The following CSNK1G2 variants were observed in gnomAD, a reference collection of about 807,000 sequenced individuals.
The protein encoded by CSNK1G2 is casein kinase 1 gamma 2.
Under a neutral mutation model 48.0 loss-of-function variants are expected in CSNK1G2, and 11 were observed. The ratio of observed to expected loss-of-function variants is 0.23; its 90% CI spans 0.14 to 0.38. CSNK1G2 has a LOEUF of 0.38. Ranked by LOEUF, CSNK1G2 falls within the 10% of genes least tolerant of loss-of-function variation. The pLI is 1.00. For synonymous variants in CSNK1G2, 337 were observed against 254.1 expected, an observed-to-expected ratio of 1.33 and a Z score of -3.10; for missense variants, 446 against 595.5, an observed-to-expected ratio of 0.75 and a Z score of 2.61.
intron 1 of CSNK1G2, among the ~76,000 whole-genome samples, chr19:1,956,089 C>G (rs2014989027): frequency 6.6e-6 from 1 of 152,196 alleles, no homozygotes; most frequent in East Asian, 1.9e-4. Context: ...CCTCCTGCCT[C>G]CAGGTCATGG....
intron 1 of CSNK1G2, among the ~76,000 whole-genome samples, chr19:1,964,869 G>A (rs184161721): frequency 4.6e-5 from 7 of 151,632 alleles, no homozygotes; most frequent in Non-Finnish European, 1.0e-4. Context: ...GGGACTACAG[G>A]AGCCCACGAC....
Position 1,978,425 on chromosome 19 carries a change from C to G in CSNK1G2, c.229-17C>G. ...GCAGCGACCCGGTCCCCTGGTGACT[C>G]GCTCTTGTGCCCCCAGGAGCCGATC... On this transcript the variant is annotated splice_polypyrimidine_tract_variant and intron_variant, in intron 3 of 11. Transcript: ENST00000255641. This position sits in a 1 kb window ranked among gnomAD's most constrained non-coding sequence, Gnocchi z 7.3. 6.2e-7 allele frequency: 1 copy of G among 1,611,202 alleles called. No individual in the cohort carries two copies. The highest frequency in any genetic ancestry group is 8.5e-7 in the Non-Finnish European group (1 of 1,179,240).
chr19:1,975,754 G>A, intron 2 of CSNK1G2: 2 of 985,406 alleles, frequency 2.0e-6, no homozygotes, highest in Non-Finnish European at 2.4e-6. Flanking sequence ...TTCGAAATCT[G>A]ACCAGGCACA....
At chr19:1,947,712 G>A (rs2014612977) in intron 1 of CSNK1G2, among the ~76,000 whole-genome samples, 1 of 152,240 alleles carries the variant, frequency 6.6e-6, no homozygotes, top group Non-Finnish European at 1.5e-5. Flanking sequence ...GGTGGGCTGG[G>A]ACAGGGCTTG....
In CSNK1G2 at chr19:1,969,906, A is replaced by G; in HGVS notation, c.134A>G (p.Asn45Ser). ...TSSGVLMVGP[N>S]FRVGKKIGCG... ...TCGGGGGTCCTGATGGTGGGCCCCA[A>G]CTTCCGCGTCGGCAAGAAGATCGGC... is the stretch of plus-strand genomic sequence containing the variant. Residue 45 changes from asparagine to serine, a missense_variant, in exon 2 of 12, where the codon AAC becomes AGC. Transcript: ENST00000255641. 1 of 1,312,346 alleles carries G rather than the reference A, an allele frequency of 7.6e-7. No individual in the cohort carries two copies. The highest frequency in any genetic ancestry group is 9.8e-7 in the Non-Finnish European group (1 of 1,022,134). The allele number at this position is 1,312,346 out of a possible 1,614,324, so 81.3% of individuals were successfully genotyped here. A position where few individuals can be genotyped will look rare whatever the true frequency, so the allele number is the denominator to read the frequency against.
At position 1,978,901 on chromosome 19, in the gene CSNK1G2, C is replaced by T. The variant is rs2015863794; in HGVS notation, c.490C>T (p.Arg164Trp). The stretch of plus-strand genomic sequence containing the variant: ...TGTGCACACCAAGAGCCTAATCTAC[C>T]GGGACGTGAAGCCCGAGAACTTCCT... ...EYVHTKSLIY[R>W]DVKPENFLVG... Residue 164 changes from arginine (R) to tryptophan (W), a missense_variant, in exon 6 of 12, where the codon CGG (arginine) becomes TGG (tryptophan). Arg to Trp is a moderately radical substitution (Grantham distance 101). This residue lies in a region of CSNK1G2 where 258 missense variants were observed against 415.9 expected (regional missense o/e 0.62). Transcript: ENST00000255641. The surrounding 1 kb of genome is among the most constrained non-coding windows in gnomAD (Gnocchi z 7.3). 1.2e-6 allele frequency: 2 copies of T among 1,602,986 alleles called. No individual in the cohort carries two copies. The highest frequency in any genetic ancestry group is 1.3e-5 in the African/African-American group (1 of 74,876).
At chr19:1,955,096 C>T (rs535604662) in intron 1 of CSNK1G2, among the ~76,000 whole-genome samples, 30 of 152,288 alleles carry the variant, frequency 2.0e-4, no homozygotes, top group African/African-American at 6.7e-4. Flanking sequence ...CAGAAGAGGC[C>T]GGGCTCTTCC....
chr19:1,948,714 G>A (rs1034987983), intron 1 of CSNK1G2, among the ~76,000 whole-genome samples: 2 of 152,166 alleles, frequency 1.3e-5, no homozygotes, highest in South Asian at 2.1e-4. Flanking sequence ...TGACCCTTGA[G>A]CAGGGTGGGG....
chr19:1,951,334 C>T (rs796142986), intron 1 of CSNK1G2, among the ~76,000 whole-genome samples: 4 of 144,266 alleles, frequency 2.8e-5, no homozygotes, highest in African/African-American at 8.0e-5. Flanking sequence ...ACCCGGGAGG[C>T]GGAGCTTGCA....
rs1024380376 is a variant in CSNK1G2 at position 1,957,237 on chromosome 19, C to T, written c.-265-12271C>T. 1.3e-5 allele frequency among the ~76,000 whole-genome samples: 2 copies of T among 152,204 alleles called. No individual in the cohort carries two copies. Among genetic ancestry groups the T allele is most frequent in the Admixed American group, 1.3e-4 (2 of 15,292 alleles). Reference sequence around the variant, plus strand: ...GGGCCACCGTGTCAGGAGGGATAGCCTACACGGAGAGCAGGCCAGTGGCCC... The same window carrying T: ...GGGCCACCGTGTCAGGAGGGATAGCTTACACGGAGAGCAGGCCAGTGGCCC... On this transcript the variant is annotated intron_variant, in intron 1 of 11. Coordinates refer to ENST00000255641, the MANE Select transcript of CSNK1G2 (RefSeq NM_001319.7). This position sits in a 1 kb window ranked among gnomAD's most constrained non-coding sequence, Gnocchi z 5.4.
intron 8 of CSNK1G2, 33 bp downstream of exon 8, chr19:1,979,436 C>G: frequency 1.6e-6 from 2 of 1,237,654 alleles, no homozygotes; most frequent in Non-Finnish European, 2.2e-6. Flanking sequence ...CCCTGTGCCC[C>G]CCACCCCCCA....
intron 1 of CSNK1G2, among the ~76,000 whole-genome samples, chr19:1,961,992 G>A (rs2015213907): frequency 6.6e-6 from 1 of 152,098 alleles, no homozygotes; most frequent in Non-Finnish European, 1.5e-5. Flanking sequence ...GAGAAAACTC[G>A]CATCCAAAAA....
At chr19:1,946,075 A>G (rs2014544223) in intron 1 of CSNK1G2, among the ~76,000 whole-genome samples, 1 of 151,904 alleles carries the variant, frequency 6.6e-6, no homozygotes, top group South Asian at 2.1e-4. Context: ...TGTTCCCGGG[A>G]GAGGTGGGAA....
intron 1 of CSNK1G2, among the ~76,000 whole-genome samples, chr19:1,949,760 G>A (rs567331526): frequency 2.0e-5 from 3 of 152,286 alleles, no homozygotes; most frequent in Non-Finnish European, 2.9e-5. Flanking sequence ...GCACAGCGAC[G>A]ACCACTCCCC....
At chr19:1,979,453 A>ACCCCC in intron 8 of CSNK1G2, 42 bp from the exon 9 acceptor site, 2 of 350,942 alleles carry the variant, frequency 5.7e-6, no homozygotes, top group East Asian at 7.1e-5. Context: ...CCCACCCCCC[A>ACCCCC]CCCCCACCCC....
intron 1 of CSNK1G2, among the ~76,000 whole-genome samples, chr19:1,961,708 A>G (rs1012330543): frequency 1.3e-5 from 2 of 152,254 alleles, no homozygotes; most frequent in African/African-American, 4.8e-5. Context: ...AGGGCACATG[A>G]GGAGATTCCT....
Position 1,978,247 on chromosome 19 carries a change from G to A in CSNK1G2, c.188-58G>A, listed in dbSNP as rs1021736031. ...GCCTCCTGCCTCGGGGGTGGGCTGG[G>A]GAGGTCGGGGCTAGGTGGGCCCTGC... On this transcript the variant is annotated intron_variant, in intron 2 of 11. Coordinates refer to ENST00000255641, the MANE Select transcript of CSNK1G2 (RefSeq NM_001319.7). This position sits in a 1 kb window ranked among gnomAD's most constrained non-coding sequence, Gnocchi z 7.3. 26 of 1,594,024 alleles carry A rather than the reference G, an allele frequency of 1.6e-5. No individual in the cohort carries two copies. Among genetic ancestry groups the A allele is most frequent in the Non-Finnish European group, 2.1e-5 (24 of 1,164,240 alleles).
At chr19:1,953,988 C>T (rs775281948) in intron 1 of CSNK1G2, 3 of 533,916 alleles carry the variant, frequency 5.6e-6, no homozygotes, top group South Asian at 1.4e-5. Flanking sequence ...TGATGACAGT[C>T]GCCCTTGGTC....
chr19:1,948,289 C>G (rs886121436), intron 1 of CSNK1G2, among the ~76,000 whole-genome samples: 1 of 151,868 alleles, frequency 6.6e-6, no homozygotes, highest in Non-Finnish European at 1.5e-5. Flanking sequence ...TTTGGGAGGC[C>G]GAGGCGGGTG....
Sources: allele counts gnomAD v4.1 joint callset (sites outside exome capture counted in the v4.1 genomes callset), GRCh38; gene constraint gnomAD v4.1.1; regional missense constraint gnomAD v4.1.1; non-coding constraint Gnocchi (gnomAD v3.1); transcripts MANE v1.5; gene names NCBI Gene and HGNC (gene_info 2026-07-23, HGNC 2026-07-21).